Variants in IMPG1 observed in about 807,000 individuals in gnomAD.
IMPG1 encodes interphotoreceptor matrix proteoglycan 1.
Under a neutral mutation model 92.0 loss-of-function variants are expected in IMPG1, and 85 were observed. The observed-to-expected ratio is 0.92, with a 90% CI of 0.78 to 1.11. IMPG1 has a LOEUF of 1.11. Ranked by LOEUF, IMPG1 falls within the 50% of genes least tolerant of loss-of-function variation. The probability of loss-of-function intolerance (pLI) is 0.00; values close to 1 mark genes in which losing one functional copy is unlikely to be tolerated. For synonymous variants in IMPG1, 367 were observed against 334.1 expected, an observed-to-expected ratio of 1.10 and a Z score of -1.08; for missense variants, 1,022 against 956.0, an observed-to-expected ratio of 1.07 and a Z score of -0.91.
At chr6:75,990,469 C>T (rs984829967) in intron 12 of IMPG1, among the ~76,000 whole-genome samples, 5 of 151,902 alleles carry the variant, frequency 3.3e-5, no homozygotes, top group African/African-American at 9.7e-5. Flanking sequence ...TCTCATTTTC[C>T]CAGGCCAGGC....
intron 9 of IMPG1, among the ~76,000 whole-genome samples, chr6:76,007,082 T>C (rs886815688): frequency 2.6e-5 from 4 of 152,210 alleles, no homozygotes; most frequent in African/African-American, 9.6e-5. Context: ...AGGAGCAAAT[T>C]AGTTTCTCTG....
chr6:75,927,711 A>G (rs528007870), intron 15 of IMPG1, among the ~76,000 whole-genome samples: 1 of 151,762 alleles, frequency 6.6e-6, no homozygotes, highest in South Asian at 2.1e-4. Flanking sequence ...GAAATTAAGC[A>G]TCTTTCCCTC....
chr6:75,941,855 C>T (rs1781840589), intron 14 of IMPG1, among the ~76,000 whole-genome samples: 1 of 152,148 alleles, frequency 6.6e-6, no homozygotes, highest in Non-Finnish European at 1.5e-5. Flanking sequence ...AGGACTTTGA[C>T]ATGTGCTCAG....
chr6:76,016,145 T>G (rs769585634), intron 7 of IMPG1, among the ~76,000 whole-genome samples: 3 of 152,246 alleles, frequency 2.0e-5, no homozygotes, highest in South Asian at 2.1e-4. Context: ...CACAGCAGTT[T>G]AGACTTGGAA....
chr6:75,925,014 C>A (rs1465497127), intron 15 of IMPG1, among the ~76,000 whole-genome samples: 5 of 150,786 alleles, frequency 3.3e-5, no homozygotes, highest in Non-Finnish European at 7.4e-5. Flanking sequence ...TCAGTGGGTA[C>A]AAAGTTACAA....
intron 14 of IMPG1, among the ~76,000 whole-genome samples, chr6:75,936,739 G>T (rs901059968): frequency 1.3e-5 from 2 of 152,202 alleles, no homozygotes; most frequent in Admixed American, 1.3e-4. Flanking sequence ...CCAAACAGAG[G>T]TGTTCTGGAT....
At chr6:75,984,130 A>G (rs1382766250) in intron 12 of IMPG1, among the ~76,000 whole-genome samples, 6 of 152,254 alleles carry the variant, frequency 3.9e-5, no homozygotes, top group East Asian at 1.9e-4. Flanking sequence ...AATGTAAATT[A>G]GTGTAACCAT....
chr6:76,057,456 T>C (rs1784138950), intron 1 of IMPG1, among the ~76,000 whole-genome samples: 1 of 152,104 alleles, frequency 6.6e-6, no homozygotes, highest in Non-Finnish European at 1.5e-5. Context: ...GATTATATAG[T>C]AGTCATGTAG....
At chr6:76,004,286 A>G (rs925389867) in intron 10 of IMPG1, among the ~76,000 whole-genome samples, 1 of 152,208 alleles carries the variant, frequency 6.6e-6, no homozygotes, top group African/African-American at 2.4e-5. Context: ...CTGATAAGAA[A>G]CAAAATGACT....
Position 75,949,587 on chromosome 6 carries a change from T to G in IMPG1, c.1824+975A>C, listed in dbSNP as rs1271876888. ...CTTTCTTAATAAACTTGCTTTCACTTTGCACTGTGGACTTGCCCTGAATTC... is the reference window on the plus strand; with the variant it reads ...CTTTCTTAATAAACTTGCTTTCACTGTGCACTGTGGACTTGCCCTGAATTC... On this transcript the variant is annotated intron_variant, in intron 13 of 16. Transcript: ENST00000369950. Among the ~76,000 whole-genome samples the G allele has an allele frequency of 2.0e-5, 3 of 152,198 alleles. No individual in the cohort carries two copies. In the South Asian group the frequency reaches 6.2e-4, roughly 32 times the overall value.
At chr6:75,945,382 C>G (rs1261803484) in intron 14 of IMPG1, among the ~76,000 whole-genome samples, 1 of 136,184 alleles carries the variant, frequency 7.3e-6, no homozygotes, top group East Asian at 2.1e-4. Flanking sequence ...AGAGGAGTCT[C>G]TCTGTTGCCC....
chr6:75,927,990 A>G (rs929887954), intron 15 of IMPG1, among the ~76,000 whole-genome samples: 3 of 152,100 alleles, frequency 2.0e-5, no homozygotes. Flanking sequence ...CTCACTTACG[A>G]CAACCTAGAA....
chr6:76,051,119 AC>A (rs1562384647), intron 1 of IMPG1, among the ~76,000 whole-genome samples: 2 of 152,128 alleles, frequency 1.3e-5, no homozygotes, highest in African/African-American at 4.8e-5. Context: ...TAAAAAAAAA[AC>A]ACAATTTAAT....
chr6:75,927,147 G>C (rs1270669389), intron 15 of IMPG1, among the ~76,000 whole-genome samples: 2 of 152,160 alleles, frequency 1.3e-5, no homozygotes, highest in African/African-American at 4.8e-5. Flanking sequence ...GCCCTTTGTT[G>C]ACAGAAACAG....
intron 5 of IMPG1, among the ~76,000 whole-genome samples, chr6:76,024,391 T>G (rs1184967288): frequency 7.5e-5 from 7 of 93,162 alleles, no homozygotes; most frequent in African/African-American, 2.5e-4. Context: ...TATTTAAAAG[T>G]ATTCTTTTAT....
At chr6:76,049,316 C>T (rs770392434) in intron 1 of IMPG1, among the ~76,000 whole-genome samples, 14 of 152,220 alleles carry the variant, frequency 9.2e-5, no homozygotes, top group Admixed American at 3.9e-4. Flanking sequence ...ATATAATGAA[C>T]CTGCAAATTT....
chr6:75,980,167 G>T (rs189191816), intron 12 of IMPG1, among the ~76,000 whole-genome samples: 1 of 152,238 alleles, frequency 6.6e-6, no homozygotes, highest in African/African-American at 2.4e-5. Flanking sequence ...ATTTGAAGGA[G>T]AAATTGGATT....
chr6:76,063,178 T>G (rs1023938720), intron 1 of IMPG1, among the ~76,000 whole-genome samples: 1 of 151,688 alleles, frequency 6.6e-6, no homozygotes, highest in Non-Finnish European at 1.5e-5. Flanking sequence ...CATTCCAGCC[T>G]GGGTGATAAA....
chr6:76,040,982 T>C (rs1433126188), intron 2 of IMPG1, among the ~76,000 whole-genome samples: 2 of 152,152 alleles, frequency 1.3e-5, no homozygotes, highest in Non-Finnish European at 2.9e-5. Flanking sequence ...CTCTGCTTTT[T>C]GCAATGGAAG....
Sources: allele counts gnomAD v4.1 joint callset (sites outside exome capture counted in the v4.1 genomes callset), GRCh38; gene constraint gnomAD v4.1.1; transcripts MANE v1.5; gene names NCBI Gene and HGNC (gene_info 2026-07-23, HGNC 2026-07-21).